Variants in KLHL2 observed in about 807,000 individuals in gnomAD.
KLHL2 encodes the protein kelch like family member 2.
KLHL2 carries 15 observed loss-of-function variants against 75.8 expected under a neutral mutation model. That is an observed-to-expected ratio of 0.20 (90% CI 0.13 to 0.30). The LOEUF (loss-of-function observed/expected upper bound fraction) is 0.30, where lower values mean the gene tolerates loss of function less well. KLHL2 is among the 10% of genes least tolerant of loss of function. KLHL2 has a pLI of 1.00. For synonymous variants in KLHL2, 214 were observed against 251.9 expected, an observed-to-expected ratio of 0.85 and a Z score of 1.42; for missense variants, 381 against 741.0, an observed-to-expected ratio of 0.51 and a Z score of 5.64.
chr4:165,214,215 G>A (rs773950683), intron 1 of KLHL2, among the ~76,000 whole-genome samples: 2 of 152,068 alleles, frequency 1.3e-5, no homozygotes, highest in Non-Finnish European at 2.9e-5. Flanking sequence ...ACGAAGTGAT[G>A]GCAATAGTAG....
At chr4:165,220,699 A>C (rs1448295112) in intron 2 of KLHL2, among the ~76,000 whole-genome samples, 1 of 152,216 alleles carries the variant, frequency 6.6e-6, no homozygotes, top group Non-Finnish European at 1.5e-5. Context: ...AGGGCTTCTA[A>C]CTTACTGTGG....
chr4:165,294,617 CAGGA>C, intron 6 of KLHL2, 149 bp downstream of exon 6: 1 of 496,296 alleles, frequency 2.0e-6, no homozygotes. Flanking sequence ...CTAGTTACTT[CAGGA>C]AAGGATTCCA....
intron 4 of KLHL2, among the ~76,000 whole-genome samples, chr4:165,262,158 A>G (rs972605582): frequency 5.3e-5 from 8 of 152,228 alleles, no homozygotes; most frequent in African/African-American, 1.7e-4. Flanking sequence ...GTAGTGTTGG[A>G]TATAGTATTC....
In KLHL2 at chr4:165,218,236, C is replaced by G. The variant is rs533748261; in HGVS notation, c.27-1698C>G. ...AAAACGTAAGTCGGATTGTATCACT[C>G]TTTTGCAGTGTCTCCTCATTTCACT... On this transcript the variant is annotated intron_variant, in intron 1 of 14. Transcript: ENST00000226725. Among the ~76,000 whole-genome samples the G allele has an allele frequency of 7.9e-5, 12 of 152,278 alleles. 1 individual carries two copies. The East Asian group carries it at 2.3e-3, about 29-fold the overall frequency.
chr4:165,276,729 C>A (rs1743145502), intron 5 of KLHL2, among the ~76,000 whole-genome samples: 1 of 152,080 alleles, frequency 6.6e-6, no homozygotes, highest in African/African-American at 2.4e-5. Context: ...ATAGCAATTT[C>A]TTATTCACAA....
At chr4:165,288,538 G>A (rs539559130) in intron 5 of KLHL2, among the ~76,000 whole-genome samples, 38 of 152,142 alleles carry the variant, frequency 2.5e-4, no homozygotes, top group Non-Finnish European at 4.9e-4. Flanking sequence ...TTTCTAAGCT[G>A]ACAGTATTTC....
At chr4:165,272,102 A>G (rs911902296) in intron 5 of KLHL2, among the ~76,000 whole-genome samples, 7 of 152,250 alleles carry the variant, frequency 4.6e-5, no homozygotes, top group Admixed American at 3.3e-4. Flanking sequence ...AAATCACAGT[A>G]GGTCCAATAA....
At chr4:165,239,005 AT>A in intron 4 of KLHL2, 106 bp downstream of exon 4, 1 of 1,467,780 alleles carries the variant, frequency 6.8e-7, no homozygotes, top group Non-Finnish European at 9.0e-7. Context: ...AATAGGATTC[AT>A]TGTGAAAATT....
chr4:165,308,021 G>A (rs1745866565), intron 9 of KLHL2, among the ~76,000 whole-genome samples: 1 of 151,926 alleles, frequency 6.6e-6, no homozygotes, highest in South Asian at 2.1e-4. Flanking sequence ...TAAATTTTCT[G>A]TTCTCTTCCA....
At chr4:165,217,578 TA>T (rs1014106800) in intron 1 of KLHL2, among the ~76,000 whole-genome samples, 3 of 152,168 alleles carry the variant, frequency 2.0e-5, no homozygotes, top group Non-Finnish European at 2.9e-5. Flanking sequence ...TTAGGCCCCT[TA>T]AAAACTCTCA....
chr4:165,298,480 G>GTT (rs142371095), intron 7 of KLHL2, among the ~76,000 whole-genome samples: 1 of 151,716 alleles, frequency 6.6e-6, no homozygotes. Context: ...TAAATTTACT[G>GTT]TTTTTTTTAT....
intron 5 of KLHL2, among the ~76,000 whole-genome samples, chr4:165,270,641 C>A (rs150458945): frequency 6.6e-6 from 1 of 152,096 alleles, no homozygotes; most frequent in African/African-American, 2.4e-5. Context: ...CTGGGTATCA[C>A]CAGCAGAGGC....
chr4:165,304,408 T>A (rs1745577190), intron 8 of KLHL2, among the ~76,000 whole-genome samples: 4 of 152,210 alleles, frequency 2.6e-5, no homozygotes, highest in Admixed American at 2.6e-4. Context: ...GCAAATCTCC[T>A]CTTTTTGTGT....
At chr4:165,290,422 A>G (rs1341881991) in intron 5 of KLHL2, among the ~76,000 whole-genome samples, 1 of 152,108 alleles carries the variant, frequency 6.6e-6, no homozygotes, top group East Asian at 1.9e-4. Flanking sequence ...GGCGTGAGCC[A>G]CTGCGCCTGG....
At chr4:165,256,215 C>A (rs1288829781) in intron 4 of KLHL2, among the ~76,000 whole-genome samples, 1 of 152,122 alleles carries the variant, frequency 6.6e-6, no homozygotes, top group Non-Finnish European at 1.5e-5. Context: ...GTGGCTTCTC[C>A]CCTCCGTTTC....
chr4:165,320,151 G>T (rs1269007009), intron 14 of KLHL2, among the ~76,000 whole-genome samples: 1 of 152,180 alleles, frequency 6.6e-6, no homozygotes, highest in Non-Finnish European at 1.5e-5. Context: ...GCAGACAAAT[G>T]TGCCACCAGG....
At chr4:165,313,118 T>G in intron 11 of KLHL2, 120 bp from the exon 12 acceptor site, 2 of 941,454 alleles carry the variant, frequency 2.1e-6, no homozygotes, top group South Asian at 3.4e-5. Context: ...AGCAGCACTT[T>G]AAGGGGAAAC....
In KLHL2 at chr4:165,229,286, GTTTA is replaced by G. The variant is rs553333975; in HGVS notation, c.259+378_259+381del. ...CCAGTGTTACATTGAACAAAAAGAT[GTTTA>G]TTTAATATCCTTCATTTGGAAATAT... On this transcript the variant is annotated intron_variant, in intron 3 of 14. Transcript: ENST00000226725. Among the ~76,000 whole-genome samples, 158 of 152,256 alleles carry G rather than the reference GTTTA, an allele frequency of 1.0e-3. 1 individual carries two copies. The highest frequency in any genetic ancestry group is 3.7e-3 in the African/African-American group (152 of 41,558).
At chr4:165,229,735 A>G (rs1260634724) in intron 3 of KLHL2, among the ~76,000 whole-genome samples, 10 of 152,346 alleles carry the variant, frequency 6.6e-5, no homozygotes, top group African/African-American at 2.4e-4. Flanking sequence ...GTAATAGTGT[A>G]TGGAAGATCT....
Sources: gnomAD v4.1 joint callset for allele counts (sites outside exome capture counted in the v4.1 genomes callset) on GRCh38, gnomAD v4.1.1 for gene constraint, MANE v1.5 for transcripts, NCBI Gene and HGNC (gene_info 2026-07-23, HGNC 2026-07-21) for gene names.